ARRDC4: variants seen among roughly 807,000 people sequenced by gnomAD.
The protein encoded by ARRDC4 is arrestin domain-containing protein 4.
In ARRDC4, 40 loss-of-function variants were observed where a neutral mutation model predicts 44.6. The observed-to-expected ratio is 0.90, with a 90% CI of 0.70 to 1.17. ARRDC4 has a LOEUF of 1.17. ARRDC4 is among the 50% of genes most tolerant of loss of function. The probability of loss-of-function intolerance (pLI) is 0.00; values close to 1 mark genes in which losing one functional copy is unlikely to be tolerated. For synonymous variants in ARRDC4, 211 were observed against 221.2 expected (o/e 0.95, Z 0.41); for missense variants, 550 against 559.1 (o/e 0.98, Z 0.16).
rs751281954 is a variant in ARRDC4 at position 97,970,647 on chromosome 15, T to C, written c.1104T>C (p.Pro368=). ...AAGAATTCTCTAGACACATTCCTCC[T>C]TACCCTCAACCCCCTAACTGTGAGG... ...SEEEFSRHIP[P]YPQPPNCEGE... Residue 368 remains proline, a synonymous_variant, in exon 7 of 8, where the codon CCT becomes CCC. Transcript: ENST00000268042. The surrounding 1 kb of genome is among the most constrained non-coding windows in gnomAD (Gnocchi z 4.2). 2 of 1,613,492 alleles carry C rather than the reference T, an allele frequency of 1.2e-6. No individual in the cohort carries two copies. Among genetic ancestry groups the C allele is most frequent in the African/African-American group, 1.3e-5 (1 of 75,034 alleles).
At position 97,969,833 on chromosome 15, in the gene ARRDC4, G is replaced by A. The variant is rs559770621; in HGVS notation, c.883-50G>A. On this transcript the variant is annotated intron_variant, in intron 5 of 7. Coordinates refer to ENST00000268042, the MANE Select transcript of ARRDC4 (RefSeq NM_183376.3). The stretch of plus-strand genomic sequence containing the variant: ...ATTAATTGGGCTACCTACTGGAGGT[G>A]TAGCTTACATTTGTTCCTTTCTCTT... The A allele has an allele frequency of 6.0e-6, 9 of 1,491,122 alleles. No individual in the cohort carries two copies. The Admixed American group carries it at 9.8e-5, about 16-fold the overall frequency. 92.4% of individuals were successfully genotyped at this position (1,491,122 alleles called of 1,614,324 possible).
rs549333182 is a variant in ARRDC4 at position 97,966,029 on chromosome 15, C to A, written c.509C>A (p.Thr170Lys). 148 of 1,614,088 alleles carry A rather than the reference C, an allele frequency of 9.2e-5. 1 individual carries two copies. In the South Asian group the frequency reaches 1.5e-3, roughly 17 times the overall value. Reference sequence around the variant, plus strand: ...GTTGTTAGTCATGTCGATGTCAACACACCAGCATTATTAGTAAGTTCTTCC... The same window carrying A: ...GTTGTTAGTCATGTCGATGTCAACAAACCAGCATTATTAGTAAGTTCTTCC... ...LQVVSHVDVN[T>K]PALLTPVLKT... The change falls in exon 3 of 8, where the codon ACA becomes AAA. Residue 170 changes from threonine to lysine, a missense_variant. By Grantham distance (78) the Thr-to-Lys change is moderately conservative. Transcript: ENST00000268042. The surrounding 1 kb of genome is among the most constrained non-coding windows in gnomAD (Gnocchi z 4.7).
In ARRDC4 at chr15:97,970,649, A is replaced by C; in HGVS notation, c.1106A>C (p.Tyr369Ser). The change falls in exon 7 of 8, where the codon TAC (tyrosine) becomes TCC (serine). Residue 369 changes from tyrosine to serine, a missense_variant. By Grantham distance (144) the Tyr-to-Ser change is moderately radical. Transcript: ENST00000268042. This position sits in a 1 kb window ranked among gnomAD's most constrained non-coding sequence, Gnocchi z 4.2. ...GAATTCTCTAGACACATTCCTCCTT[A>C]CCCTCAACCCCCTAACTGTGAGGGA... ...EEEFSRHIPP[Y>S]PQPPNCEGEV... 6 of 1,613,338 alleles carry C rather than the reference A, an allele frequency of 3.7e-6. No individual in the cohort carries two copies. Among genetic ancestry groups the C allele is most frequent in the Non-Finnish European group, 5.1e-6 (6 of 1,179,500 alleles).
rs141153729 is a variant in ARRDC4, at chr15:97,961,976, T to C, written c.307+808T>C. On this transcript the variant is annotated intron_variant, in intron 1 of 7. Coordinates refer to ENST00000268042, the MANE Select transcript of ARRDC4 (RefSeq NM_183376.3). ...GGGGACACACTACATGAGCGTTTCATTAATATTAGATACCAAAATTGGATC... is the reference window on the plus strand; with the variant it reads ...GGGGACACACTACATGAGCGTTTCACTAATATTAGATACCAAAATTGGATC... Among the ~76,000 whole-genome samples, 480 of 152,326 alleles carry C rather than the reference T, an allele frequency of 3.2e-3. 4 individuals are homozygous for C. The highest frequency in any genetic ancestry group is 0.011 in the African/African-American group (465 of 41,574).
Position 97,972,687 on chromosome 15 carries a change from G to A in ARRDC4, c.*1500G>A, listed in dbSNP as rs1301691461. On this transcript the variant is annotated 3_prime_UTR_variant, in exon 8 of 8. Coordinates refer to ENST00000268042, the MANE Select transcript of ARRDC4 (RefSeq NM_183376.3). This position sits in a 1 kb window ranked among gnomAD's most constrained non-coding sequence, Gnocchi z 5.3. ...CTAAGGGTTTGATCCAGAAACCCTG[G>A]TGCTTCCCCTGCAGAATACTGTACT... The A allele has an allele frequency of 6.6e-6, 1 of 152,582 alleles. No individual in the cohort carries two copies. Among genetic ancestry groups the A allele is most frequent in the Non-Finnish European group, 1.5e-5 (1 of 68,030 alleles). 9.5% of individuals were successfully genotyped at this position (152,582 alleles called of 1,614,324 possible).
Position 97,964,955 on chromosome 15 carries a change from G to A in ARRDC4, c.308-645G>A, listed in dbSNP as rs137907550. On this transcript the variant is annotated intron_variant, in intron 1 of 7. Transcript: ENST00000268042. ...GTCCAATTTAATATTGGTATTTCCC[G>A]TTAGTATAATAGAATGGGGGTAAGC... Among the ~76,000 whole-genome samples the A allele has an allele frequency of 8.1e-3, 1,227 of 152,024 alleles. 19 individuals carry two copies. Among genetic ancestry groups the A allele is most frequent in the African/African-American group, 0.028 (1,150 of 41,438 alleles).
In ARRDC4 at chr15:97,971,667, T is replaced by G. The variant is rs1163809504; in HGVS notation, c.*480T>G. 1 of 163,160 alleles carries G rather than the reference T, an allele frequency of 6.1e-6. No individual in the cohort carries two copies. Among genetic ancestry groups the G allele is most frequent in the Admixed American group, 5.7e-5 (1 of 17,610 alleles). 10.1% of individuals were successfully genotyped at this position (163,160 alleles called of 1,614,324 possible). On this transcript the variant is annotated 3_prime_UTR_variant, in exon 8 of 8. Transcript: ENST00000268042. ...AATACGAAGTGAGATCCTGAGTCTTTGGGTGCTTCATGATTTCCTACCATA... is the reference window on the plus strand; with the variant it reads ...AATACGAAGTGAGATCCTGAGTCTTGGGGTGCTTCATGATTTCCTACCATA...
At position 97,968,513 on chromosome 15, in the gene ARRDC4, A is replaced by G. The variant is rs1899456427; in HGVS notation, c.625+397A>G. ...ATATATGCAAATGCATGGGACTGGAATGTAGTGTATTAACAAACTTAACAA... is the reference window on the plus strand; with the variant it reads ...ATATATGCAAATGCATGGGACTGGAGTGTAGTGTATTAACAAACTTAACAA... On this transcript the variant is annotated intron_variant, in intron 4 of 7. Transcript: ENST00000268042. The surrounding 1 kb of genome is among the most constrained non-coding windows in gnomAD (Gnocchi z 5.4). Among the ~76,000 whole-genome samples, 2 of 152,232 alleles carry G rather than the reference A, an allele frequency of 1.3e-5. No homozygotes were observed. Among genetic ancestry groups the G allele is most frequent in the Admixed American group, 1.3e-4 (2 of 15,284 alleles).
At chr15:97,969,695 C>G (rs1899475073) in intron 5 of ARRDC4, among the ~76,000 whole-genome samples, 188 bp from the exon 6 acceptor site, 1 of 152,138 alleles carries the variant, frequency 6.6e-6, no homozygotes, top group South Asian at 2.1e-4. Flanking sequence ...TTCTCTGTCA[C>G]AGAGCATTCA....
chr15:97,962,012 C>G (rs527449297), intron 1 of ARRDC4, among the ~76,000 whole-genome samples: 1 of 152,206 alleles, frequency 6.6e-6, no homozygotes, highest in Non-Finnish European at 1.5e-5. Flanking sequence ...CCTTTAGTCA[C>G]GAAAATACTA....
rs1899516100 is a variant in ARRDC4, at chr15:97,971,556, G to A, written c.*369G>A. 3.9e-6 allele frequency: 1 copy of A among 257,818 alleles called. No homozygotes were observed. Among genetic ancestry groups the A allele is most frequent in the Admixed American group, 5.1e-5 (1 of 19,702 alleles). 16.0% of individuals were successfully genotyped at this position (257,818 alleles called of 1,614,324 possible). A position where few individuals can be genotyped will look rare whatever the true frequency, so the allele number is the denominator to read the frequency against. On this transcript the variant is annotated 3_prime_UTR_variant, in exon 8 of 8. Coordinates refer to ENST00000268042, the MANE Select transcript of ARRDC4 (RefSeq NM_183376.3). Reference sequence around the variant, plus strand: ...TCCCATGGTGAAGAGTGGAACGAAGGCGATATGAACTGAAGGGGTGAAGAC... The same window carrying A: ...TCCCATGGTGAAGAGTGGAACGAAGACGATATGAACTGAAGGGGTGAAGAC...
At position 97,961,111 on chromosome 15, in the gene ARRDC4, G is replaced by C; in HGVS notation, c.250G>C (p.Val84Leu). The C allele has an allele frequency of 6.9e-7, 1 of 1,458,306 alleles. No homozygotes were observed. The highest frequency in any genetic ancestry group is 9.0e-7 in the Non-Finnish European group (1 of 1,113,362). The allele number at this position is 1,458,306 out of a possible 1,614,324, so 90.3% of individuals were successfully genotyped here. ...CTCGGCCAGCACCGCGGCCCTGGCT[G>C]TCTTCTCGGAGGTGGAGTACCTGAA... ...RASASTAALA[V>L]FSEVEYLNVR... is the part of the protein sequence containing the mutation. Residue 84 changes from valine to leucine, a missense_variant, in exon 1 of 8, where the codon GTC (valine) becomes CTC (leucine). By Grantham distance (32) the Val-to-Leu change is conservative (BLOSUM62 1). Transcript: ENST00000268042.
Position 97,960,742 on chromosome 15 carries a change from C to G in ARRDC4, c.-120C>G, listed in dbSNP as rs1899291436. ...CGAGCCGGTGCCCCATCGGGTACCG[C>G]ACGGCTGCCGCGGCGGCCTTACCCT... On this transcript the variant is annotated 5_prime_UTR_variant, in exon 1 of 8. Transcript: ENST00000268042. 1.1e-6 allele frequency: 1 copy of G among 919,504 alleles called. No homozygotes were observed. The allele number at this position is 919,504 out of a possible 1,614,324, so 57.0% of individuals were successfully genotyped here.
In ARRDC4 at chr15:97,970,370, T is replaced by C. The variant is rs1217394183; in HGVS notation, c.1046-219T>C. Among the ~76,000 whole-genome samples, 3 of 152,172 alleles carry C rather than the reference T, an allele frequency of 2.0e-5. No individual in the cohort carries two copies. The highest frequency in any genetic ancestry group is 4.4e-5 in the Non-Finnish European group (3 of 68,020). ...TAGTCATATTTCAGTGATATTTGTT[T>C]ACCTATATCTCAAGAGACTAGAATA... On this transcript the variant is annotated intron_variant, in intron 6 of 7. Coordinates refer to ENST00000268042, the MANE Select transcript of ARRDC4 (RefSeq NM_183376.3). The surrounding 1 kb of genome is among the most constrained non-coding windows in gnomAD (Gnocchi z 4.2).
At position 97,961,175 on chromosome 15, in the gene ARRDC4, G is replaced by T. The variant is rs1899309864; in HGVS notation, c.307+7G>T. On this transcript the variant is annotated splice_region_variant and intron_variant, in intron 1 of 7. Coordinates refer to ENST00000268042, the MANE Select transcript of ARRDC4 (RefSeq NM_183376.3). Reference sequence around the variant, plus strand: ...CTGCGGGAGCCCCCGGCCGGTAAGCGCAGGCGAGCGCCTGGGGTTCCCCCG... The same window carrying T: ...CTGCGGGAGCCCCCGGCCGGTAAGCTCAGGCGAGCGCCTGGGGTTCCCCCG... 2.9e-6 allele frequency: 4 copies of T among 1,401,734 alleles called. No individual in the cohort carries two copies. The highest frequency in any genetic ancestry group is 3.7e-6 in the Non-Finnish European group (4 of 1,089,502). 86.8% of individuals were successfully genotyped at this position (1,401,734 alleles called of 1,614,324 possible).
At position 97,971,348 on chromosome 15, in the gene ARRDC4, C is replaced by T. The variant is rs1031237298; in HGVS notation, c.*161C>T. The T allele has an allele frequency of 1.4e-6, 1 of 706,010 alleles. No individual in the cohort carries two copies. The highest frequency in any genetic ancestry group is 2.3e-6 in the Non-Finnish European group (1 of 425,666). 43.7% of individuals were successfully genotyped at this position (706,010 alleles called of 1,614,324 possible). A position where few individuals can be genotyped will look rare whatever the true frequency, so the allele number is the denominator to read the frequency against. ...AAGAATGTGAGAAAGTTCTGGTGGG[C>T]CGGCAGGATTGCCGCACAAGTTTAT... On this transcript the variant is annotated 3_prime_UTR_variant, in exon 8 of 8. Transcript: ENST00000268042.
chr15:97,965,761 A>G lies in ARRDC4; in HGVS notation c.374+95A>G, dbSNP rs1899408218. 3 of 1,476,570 alleles carry G rather than the reference A, an allele frequency of 2.0e-6. No individual in the cohort carries two copies. The highest frequency in any genetic ancestry group is 2.8e-6 in the Non-Finnish European group (3 of 1,057,212). 91.5% of individuals were successfully genotyped at this position (1,476,570 alleles called of 1,614,324 possible). On this transcript the variant is annotated intron_variant, in intron 2 of 7. Transcript: ENST00000268042. This position sits in a 1 kb window ranked among gnomAD's most constrained non-coding sequence, Gnocchi z 5.1. Reference sequence around the variant, plus strand: ...GGTCTCTTCTGATTCTCAAGTATGCATGTTTACACTGAATAGTCCCTAAAT... The same window carrying G: ...GGTCTCTTCTGATTCTCAAGTATGCGTGTTTACACTGAATAGTCCCTAAAT...
At chr15:97,963,644 T>A (rs1238310072) in intron 1 of ARRDC4, among the ~76,000 whole-genome samples, 2 of 152,204 alleles carry the variant, frequency 1.3e-5, no homozygotes, top group Non-Finnish European at 2.9e-5. Context: ...CCCATGTTCC[T>A]ATGTGGGTGC....
rs1485480427 is a variant in ARRDC4 at position 97,966,799 on chromosome 15, A to G, written c.522+757A>G. 1.3e-5 allele frequency among the ~76,000 whole-genome samples: 2 copies of G among 152,202 alleles called. No individual in the cohort carries two copies. Among genetic ancestry groups the G allele is most frequent in the African/African-American group, 4.8e-5 (2 of 41,462 alleles). Reference sequence around the variant, plus strand: ...GGACCTAATGGTTCTTCATTTAAATATGAATGAATGATTTTTTTTACTTCA... The same window carrying G: ...GGACCTAATGGTTCTTCATTTAAATGTGAATGAATGATTTTTTTTACTTCA... On this transcript the variant is annotated intron_variant, in intron 3 of 7. Transcript: ENST00000268042. This position sits in a 1 kb window ranked among gnomAD's most constrained non-coding sequence, Gnocchi z 4.7.
Sources: gnomAD v4.1 joint callset for allele counts (sites outside exome capture counted in the v4.1 genomes callset) on GRCh38, gnomAD v4.1.1 for gene constraint, Gnocchi (gnomAD v3.1) non-coding constraint, MANE v1.5 for transcripts, NCBI Gene and HGNC (gene_info 2026-07-23, HGNC 2026-07-21) for gene names.